SH3GL3: variants seen among roughly 807,000 people sequenced by gnomAD.
SH3GL3 encodes the protein SH3 domain containing GRB2 like 3, endophilin A3.
Under a neutral mutation model 47.7 loss-of-function variants are expected in SH3GL3, and 33 were observed. The ratio of observed to expected loss-of-function variants is 0.69; its 90% CI spans 0.52 to 0.92. The LOEUF is 0.92. SH3GL3 is among the 40% of genes least tolerant of loss of function. SH3GL3 has a pLI of 0.00. For missense variants in SH3GL3, 363 were observed against 417.8 expected (o/e 0.87, Z 1.14); for synonymous variants, 155 against 148.8 (o/e 1.04, Z -0.30).
chr15:83,506,730 T>C (rs987257236), intron 1 of SH3GL3, among the ~76,000 whole-genome samples: 1 of 152,200 alleles, frequency 6.6e-6, no homozygotes, highest in Non-Finnish European at 1.5e-5. Flanking sequence ...TTCATTTCAA[T>C]AGAGGTCTGG....
At chr15:83,624,376 T>C in the SH3GL3 span, among the ~76,000 whole-genome samples, 1 of 152,102 alleles carries the variant, frequency 6.6e-6, no homozygotes, top group Non-Finnish European at 1.5e-5. Context: ...AGGGTTCAGC[T>C]CAAGGGGCTG....
intron 1 of SH3GL3, among the ~76,000 whole-genome samples, chr15:83,539,137 G>A (rs1022918294): frequency 1.3e-5 from 2 of 152,114 alleles, no homozygotes; most frequent in African/African-American, 4.8e-5. Context: ...ATTTTCTTAT[G>A]CTTATTGGCC....
intron 1 of SH3GL3, among the ~76,000 whole-genome samples, chr15:83,528,907 G>A (rs181571715): frequency 6.6e-6 from 1 of 152,274 alleles, no homozygotes; most frequent in Admixed American, 6.5e-5. Flanking sequence ...GTTGATATCT[G>A]CACATCTGAT....
In SH3GL3 at chr15:83,556,443, A is replaced by G. The variant is rs191224927; in HGVS notation, c.46-2810A>G. Among the ~76,000 whole-genome samples, 200 of 152,356 alleles carry G rather than the reference A, an allele frequency of 1.3e-3. 1 individual carries two copies. The highest frequency in any genetic ancestry group is 4.8e-3 in the African/African-American group (198 of 41,584). Reference sequence around the variant, plus strand: ...CATATGTTGTCTTTTCAAACAAGATATATTCATGTCACTAGTTTCTGTTCT... The same window carrying G: ...CATATGTTGTCTTTTCAAACAAGATGTATTCATGTCACTAGTTTCTGTTCT... On this transcript the variant is annotated intron_variant, in intron 1 of 8. Coordinates refer to ENST00000427482, the MANE Select transcript of SH3GL3 (RefSeq NM_003027.5).
At chr15:83,605,468 T>G (rs1382041495) in intron 8 of SH3GL3, among the ~76,000 whole-genome samples, 2 of 151,680 alleles carry the variant, frequency 1.3e-5, no homozygotes, top group Admixed American at 1.3e-4. Flanking sequence ...TGTCAAGCAT[T>G]TCACTAACAA....
intron 1 of SH3GL3, among the ~76,000 whole-genome samples, chr15:83,488,596 C>T (rs1209846510): frequency 6.6e-6 from 1 of 152,196 alleles, no homozygotes; most frequent in African/African-American, 2.4e-5. Flanking sequence ...GGGGAAAACT[C>T]TCCTATCCTG....
At chr15:83,468,535 C>G (rs894949457) in intron 1 of SH3GL3, among the ~76,000 whole-genome samples, 2 of 152,128 alleles carry the variant, frequency 1.3e-5, no homozygotes, top group African/African-American at 4.8e-5. Flanking sequence ...GAGGAAATTT[C>G]CCTGTATTTC....
chr15:83,548,431 C>A (rs1426997375), intron 1 of SH3GL3, among the ~76,000 whole-genome samples: 6 of 150,490 alleles, frequency 4.0e-5, no homozygotes, highest in Non-Finnish European at 7.4e-5. Context: ...ATAATACATA[C>A]ACACTACATA....
At chr15:83,501,822 C>T (rs1445907554) in intron 1 of SH3GL3, among the ~76,000 whole-genome samples, 1 of 151,976 alleles carries the variant, frequency 6.6e-6, no homozygotes, top group Non-Finnish European at 1.5e-5. Flanking sequence ...ACCCGGGAAG[C>T]TGAGGTTGCA....
intron 1 of SH3GL3, among the ~76,000 whole-genome samples, chr15:83,554,334 T>C (rs1444400942): frequency 6.6e-6 from 1 of 152,094 alleles, no homozygotes; most frequent in Non-Finnish European, 1.5e-5. Flanking sequence ...ATTACAGGCA[T>C]GCGCCACCAC....
chr15:83,555,823 A>G (rs930140680), intron 1 of SH3GL3, among the ~76,000 whole-genome samples: 2 of 152,212 alleles, frequency 1.3e-5, no homozygotes, highest in Non-Finnish European at 2.9e-5. Context: ...GCCTGTGTGC[A>G]GGCAAGAAGC....
chr15:83,485,325 T>A (rs1180236777), intron 1 of SH3GL3, among the ~76,000 whole-genome samples: 1 of 152,212 alleles, frequency 6.6e-6, no homozygotes, highest in Non-Finnish European at 1.5e-5. Flanking sequence ...CATATATTAA[T>A]GTAGGTGCCT....
chr15:83,520,202 C>G (rs1032259682), intron 1 of SH3GL3, among the ~76,000 whole-genome samples: 1 of 152,114 alleles, frequency 6.6e-6, no homozygotes, highest in Non-Finnish European at 1.5e-5. Flanking sequence ...GCTTGCCTGA[C>G]CTTTGCCCAG....
chr15:83,505,009 G>A (rs2151615155), intron 1 of SH3GL3, among the ~76,000 whole-genome samples: 1 of 151,954 alleles, frequency 6.6e-6, no homozygotes, highest in South Asian at 2.1e-4. Flanking sequence ...TTTAAAATTG[G>A]GTCTTATCTC....
intron 1 of SH3GL3, among the ~76,000 whole-genome samples, chr15:83,492,072 C>T (rs1032607708): frequency 6.6e-6 from 1 of 152,104 alleles, no homozygotes; most frequent in Non-Finnish European, 1.5e-5. Context: ...ATCACGAGGT[C>T]AGGAGATCAA....
intron 8 of SH3GL3, among the ~76,000 whole-genome samples, chr15:83,601,099 A>C (rs1416746701): frequency 6.6e-6 from 1 of 152,100 alleles, no homozygotes; most frequent in Non-Finnish European, 1.5e-5. Context: ...AGGAGTCTTT[A>C]GGGTTCTAGG....
Position 83,588,789 on chromosome 15 carries a change from A to G in SH3GL3, c.838+18A>G. 7.6e-7 allele frequency: 1 copy of G among 1,322,114 alleles called. No homozygotes were observed. Among genetic ancestry groups the G allele is most frequent in the Non-Finnish European group, 1.1e-6 (1 of 913,604 alleles). 81.9% of individuals were successfully genotyped at this position (1,322,114 alleles called of 1,614,324 possible). A position where few individuals can be genotyped will look rare whatever the true frequency, so the allele number is the denominator to read the frequency against. Reference sequence around the variant, plus strand: ...GACGACAGGTAAGTTGACCATTCTAATATGCTAAGTGTGCCTTTAGTAAAG... The same window carrying G: ...GACGACAGGTAAGTTGACCATTCTAGTATGCTAAGTGTGCCTTTAGTAAAG... On this transcript the variant is annotated intron_variant, in intron 8 of 8. Transcript: ENST00000427482.
rs570383369 is a variant in SH3GL3 at position 83,582,442 on chromosome 15, G to A, written c.625-4541G>A. Among the ~76,000 whole-genome samples, 5 of 152,140 alleles carry A rather than the reference G, an allele frequency of 3.3e-5. No individual in the cohort carries two copies. In the East Asian group the frequency reaches 7.7e-4, roughly 24 times the overall value. ...AATCCATTCCATGGGATGTTAGTGT[G>A]TTTTGCATTAATAATGTCTCTGTGG... On this transcript the variant is annotated intron_variant, in intron 6 of 8. Transcript: ENST00000427482.
Position 83,546,702 on chromosome 15 carries a change from G to C in SH3GL3, c.46-12551G>C, listed in dbSNP as rs114958083. On this transcript the variant is annotated intron_variant, in intron 1 of 8. Transcript: ENST00000427482. ...CTGTGATGACTGCTGCCTGGCTACA[G>C]ATGGTGTTTATTCAAGGCCCAGGGG... Among the ~76,000 whole-genome samples, 282 of 152,038 alleles carry C rather than the reference G, an allele frequency of 1.9e-3. 1 individual carries two copies. The highest frequency in any genetic ancestry group is 6.3e-3 in the African/African-American group (261 of 41,474).
Sources: gnomAD v4.1 joint callset for allele counts (sites outside exome capture counted in the v4.1 genomes callset) on GRCh38, gnomAD v4.1.1 for gene constraint, MANE v1.5 for transcripts, NCBI Gene and HGNC (gene_info 2026-07-23, HGNC 2026-07-21) for gene names.